GADL1: variants seen among roughly 807,000 people sequenced by gnomAD.
GADL1 encodes the protein acidic amino acid decarboxylase GADL1.
Under a neutral mutation model 69.5 loss-of-function variants are expected in GADL1, and 71 were observed. That is an observed-to-expected ratio of 1.02 (90% confidence interval 0.84 to 1.25). GADL1 has a LOEUF of 1.25. Among genes scored for constraint, GADL1 ranks in the 50% most tolerant of loss-of-function variants. The pLI, the probability that GADL1 is intolerant of heterozygous loss-of-function variation, is 0.00. For missense variants in GADL1, 737 were observed against 631.8 expected (o/e 1.17, Z -1.79); for synonymous variants, 254 against 214.4 (o/e 1.18, Z -1.62).
chr3:30,816,989 C>G (rs1026515488), intron 11 of GADL1, among the ~76,000 whole-genome samples: 1 of 152,076 alleles, frequency 6.6e-6, no homozygotes, highest in African/African-American at 2.4e-5. Flanking sequence ...CTCAGCATAC[C>G]CTCTAAAAAG....
At chr3:30,741,267 G>A (rs1013556834) in intron 14 of GADL1, among the ~76,000 whole-genome samples, 1 of 148,138 alleles carries the variant, frequency 6.8e-6, no homozygotes, top group Non-Finnish European at 1.5e-5. Context: ...CCCACGCCAA[G>A]ATTACAAAAA....
chr3:30,803,757 AT>A (rs1264799402), intron 11 of GADL1, among the ~76,000 whole-genome samples: 1 of 152,204 alleles, frequency 6.6e-6, no homozygotes, highest in African/African-American at 2.4e-5. Context: ...TTCACTTTGC[AT>A]TTTAGTTTAT....
At chr3:30,783,526 CAT>C (rs764954568) in intron 13 of GADL1, among the ~76,000 whole-genome samples, 49 of 152,248 alleles carry the variant, frequency 3.2e-4, no homozygotes, top group Non-Finnish European at 6.0e-4. Context: ...AACAGTGACA[CAT>C]ACTCTCTCAA....
intron 12 of GADL1, among the ~76,000 whole-genome samples, chr3:30,792,971 G>C (rs1044502795): frequency 3.3e-5 from 5 of 152,032 alleles, no homozygotes; most frequent in African/African-American, 1.2e-4. Flanking sequence ...AATGGTCCTT[G>C]GTGAGCAAAT....
At chr3:30,825,180 G>C (rs779235614) in intron 11 of GADL1, among the ~76,000 whole-genome samples, 3 of 151,772 alleles carry the variant, frequency 2.0e-5, no homozygotes, top group African/African-American at 7.3e-5. Flanking sequence ...CAAGACCAGG[G>C]TACCACTTTT....
At chr3:30,885,436 G>T (rs982010303) in intron 1 of GADL1, among the ~76,000 whole-genome samples, 1 of 151,960 alleles carries the variant, frequency 6.6e-6, no homozygotes, top group Non-Finnish European at 1.5e-5. Context: ...AAAAAGCCTG[G>T]CCTAAAGTAA....
Position 30,728,049 on chromosome 3 carries a change from A to AG in GADL1, c.*192dup, listed in dbSNP as rs1695395770. ...TTTTTTTTTTAAACTTTCTTCTTTT[A>AG]GCAACAGTAATGCCCAGGCAGCTAG... On this transcript the variant is annotated 3_prime_UTR_variant, in exon 15 of 15. Transcript: ENST00000282538. The AG allele has an allele frequency of 2.1e-6, 1 of 471,088 alleles. No homozygotes were observed. Among genetic ancestry groups the AG allele is most frequent in the African/African-American group, 2.0e-5 (1 of 50,984 alleles). 29.2% of individuals were successfully genotyped at this position (471,088 alleles called of 1,614,324 possible). A position where few individuals can be genotyped will look rare whatever the true frequency, so the allele number is the denominator to read the frequency against.
intron 11 of GADL1, among the ~76,000 whole-genome samples, chr3:30,830,080 T>C (rs1344484260): frequency 6.6e-6 from 1 of 151,872 alleles, no homozygotes; most frequent in African/African-American, 2.4e-5. Context: ...ATCCAAAATA[T>C]GGCACCTTGG....
chr3:30,739,177 G>T (rs1405657980), intron 14 of GADL1, among the ~76,000 whole-genome samples: 4 of 152,188 alleles, frequency 2.6e-5, no homozygotes, highest in East Asian at 1.9e-4. Context: ...TATAGTAGAT[G>T]CAGGGGCCTG....
At chr3:30,801,503 A>ACC (rs1391642010) in intron 11 of GADL1, among the ~76,000 whole-genome samples, 1 of 152,122 alleles carries the variant, frequency 6.6e-6, no homozygotes. Context: ...AGGTTTTAAG[A>ACC]CCTTCTCTCC....
chr3:30,789,018 C>T (rs973633555), intron 12 of GADL1, among the ~76,000 whole-genome samples: 3 of 152,120 alleles, frequency 2.0e-5, no homozygotes, highest in African/African-American at 4.8e-5. Context: ...ATTTTGAGCT[C>T]CTATGAGTCA....
At chr3:30,827,654 G>A (rs1697704981) in intron 11 of GADL1, among the ~76,000 whole-genome samples, 1 of 151,804 alleles carries the variant, frequency 6.6e-6, no homozygotes, top group South Asian at 2.1e-4. Context: ...TGATGAAATC[G>A]TTTTTTAACG....
At chr3:30,889,961 C>T (rs566233509) in intron 1 of GADL1, among the ~76,000 whole-genome samples, 23 of 152,286 alleles carry the variant, frequency 1.5e-4, no homozygotes, top group African/African-American at 5.1e-4. Flanking sequence ...CTATTCTTTG[C>T]TATCTAGCCA....
At chr3:30,795,604 TTCTA>T (rs1697015531) in intron 12 of GADL1, among the ~76,000 whole-genome samples, 1 of 152,164 alleles carries the variant, frequency 6.6e-6, no homozygotes, top group African/African-American at 2.4e-5. Context: ...GAGAAAAATA[TTCTA>T]TCTTTCCTAA....
intron 6 of GADL1, among the ~76,000 whole-genome samples, chr3:30,846,054 C>CAAAAAAAAAAAAAAAA (rs55634806): frequency 8.6e-6 from 1 of 115,916 alleles, no homozygotes; most frequent in Non-Finnish European, 2.0e-5. Context: ...ATAGATAGAT[C>CAAAAAAAAAAAAAAAA]AAAAAAAAAA....
At chr3:30,880,959 T>C (rs1206578530) in intron 1 of GADL1, among the ~76,000 whole-genome samples, 1 of 151,954 alleles carries the variant, frequency 6.6e-6, no homozygotes, top group Non-Finnish European at 1.5e-5. Context: ...TATGGACTCT[T>C]ACTGGTGTTG....
chr3:30,827,602 A>G (rs1697702778), intron 11 of GADL1, among the ~76,000 whole-genome samples: 1 of 151,944 alleles, frequency 6.6e-6, no homozygotes, highest in South Asian at 2.1e-4. Flanking sequence ...CCTTTACCTT[A>G]TAGAGAAAGA....
At chr3:30,799,242 G>T (rs1276529305) in intron 12 of GADL1, 2 of 152,236 alleles carry the variant, frequency 1.3e-5, no homozygotes, top group African/African-American at 4.8e-5. Context: ...ACTTTTATCT[G>T]GGCATCCAGG....
chr3:30,772,847 G>T (rs1434995875), intron 14 of GADL1, among the ~76,000 whole-genome samples: 3 of 152,180 alleles, frequency 2.0e-5, no homozygotes, highest in African/African-American at 7.2e-5. Flanking sequence ...CTGCACTCCA[G>T]CCCAGGTGAC....
Sources: gnomAD v4.1 joint callset for allele counts (sites outside exome capture counted in the v4.1 genomes callset) on GRCh38, gnomAD v4.1.1 for gene constraint, MANE v1.5 for transcripts, NCBI Gene and HGNC (gene_info 2026-07-23, HGNC 2026-07-21) for gene names.